DLG2: variants seen among roughly 807,000 people sequenced by gnomAD.
DLG2 encodes the protein discs large MAGUK scaffold protein 2.
In DLG2, 45 loss-of-function variants were observed where a neutral mutation model predicts 132.5. That is an observed-to-expected ratio of 0.34 (90% CI 0.27 to 0.44). DLG2 has a LOEUF of 0.44. Among genes scored for constraint, DLG2 ranks in the 20% least tolerant of loss-of-function variants. The pLI, the probability that DLG2 is intolerant of heterozygous loss-of-function variation, is 1.00. For synonymous variants in DLG2, 424 were observed against 419.6 expected, an observed-to-expected ratio of 1.01 and a Z score of -0.13; for missense variants, 1,045 against 1,196.9, an observed-to-expected ratio of 0.87 and a Z score of 1.87.
intron 3 of DLG2, among the ~76,000 whole-genome samples, chr11:85,514,407 G>C (rs2094135536): frequency 6.6e-6 from 1 of 151,892 alleles, no homozygotes; most frequent in Admixed American, 6.6e-5. Context: ...AGAAATTTTT[G>C]AATATGCTTT....
chr11:85,013,953 T>C (rs932778248), intron 6 of DLG2, among the ~76,000 whole-genome samples: 1 of 152,196 alleles, frequency 6.6e-6, no homozygotes, highest in African/African-American at 2.4e-5. Context: ...TAAGAATACA[T>C]AGTAAGTTTC....
chr11:83,865,101 CACG>C (rs2062073888), intron 16 of DLG2, among the ~76,000 whole-genome samples: 1 of 152,110 alleles, frequency 6.6e-6, no homozygotes, highest in African/African-American at 2.4e-5. Context: ...CCCCTCTGAC[CACG>C]ACTTTTGTCT....
chr11:84,600,986 G>A (rs1048265389), intron 6 of DLG2, among the ~76,000 whole-genome samples: 1 of 152,134 alleles, frequency 6.6e-6, no homozygotes, highest in Admixed American at 6.6e-5. Flanking sequence ...TTACAGTAGA[G>A]AATAATTATA....
intron 6 of DLG2, among the ~76,000 whole-genome samples, chr11:85,071,212 C>G (rs1384470172): frequency 1.3e-5 from 2 of 151,780 alleles, no homozygotes; most frequent in Non-Finnish European, 2.9e-5. Context: ...TTATAATACT[C>G]TTTCCAGACT....
chr11:83,876,935 G>A (rs910133733), intron 15 of DLG2, among the ~76,000 whole-genome samples: 5 of 152,126 alleles, frequency 3.3e-5, no homozygotes, highest in African/African-American at 1.2e-4. Context: ...ATTAACCACC[G>A]TTGATAGTTG....
intron 21 of DLG2, among the ~76,000 whole-genome samples, chr11:83,520,639 G>GTAGGTAGATAGATAGATAGA (rs1177747631): frequency 5.6e-4 from 83 of 148,068 alleles, no homozygotes; most frequent in Middle Eastern, 3.4e-3. Flanking sequence ...AGGTAGGTAG[G>GTAGGTAGATAGATAGATAGA]TAGATAGATA....
chr11:83,968,916 A>G (rs1409776656), intron 12 of DLG2, among the ~76,000 whole-genome samples: 1 of 152,222 alleles, frequency 6.6e-6, no homozygotes, highest in Non-Finnish European at 1.5e-5. Context: ...AATGTAGAGG[A>G]ACTTCAGGTA....
At chr11:83,560,181 G>A (rs2142765294) in intron 19 of DLG2, among the ~76,000 whole-genome samples, 1 of 152,042 alleles carries the variant, frequency 6.6e-6, no homozygotes, top group African/African-American at 2.4e-5. Flanking sequence ...GCAGTGGCAG[G>A]ATCTTGGCTC....
chr11:85,501,908 C>T (rs1193413892), intron 3 of DLG2, among the ~76,000 whole-genome samples: 3 of 152,168 alleles, frequency 2.0e-5, no homozygotes, highest in Non-Finnish European at 2.9e-5. Flanking sequence ...CCCATCAATC[C>T]GATTACCAGG....
intron 18 of DLG2, among the ~76,000 whole-genome samples, chr11:83,664,719 CTG>C (rs1373938373): frequency 6.6e-6 from 1 of 152,142 alleles, no homozygotes; most frequent in Non-Finnish European, 1.5e-5. Flanking sequence ...CTTAAAATGT[CTG>C]TGTGTCTAAC....
At chr11:85,202,818 A>G (rs188043392) in intron 4 of DLG2, among the ~76,000 whole-genome samples, 18 of 152,156 alleles carry the variant, frequency 1.2e-4, no homozygotes, top group African/African-American at 3.6e-4. Flanking sequence ...GAAAAAATCA[A>G]AATGAAAATT....
intron 6 of DLG2, chr11:84,955,568 A>G (rs2051543626): frequency 6.6e-6 from 1 of 152,208 alleles, no homozygotes; most frequent in South Asian, 2.1e-4. Context: ...ACACTCAGAG[A>G]ACTCTTATTA....
intron 7 of DLG2, among the ~76,000 whole-genome samples, chr11:84,502,557 G>A (rs892052837): frequency 2.0e-5 from 3 of 150,698 alleles, no homozygotes; most frequent in African/African-American, 7.3e-5. Flanking sequence ...CACCATACCT[G>A]GCTAATTTTT....
At chr11:84,379,806 A>C (rs2098742950) in intron 7 of DLG2, among the ~76,000 whole-genome samples, 1 of 152,020 alleles carries the variant, frequency 6.6e-6, no homozygotes, top group Non-Finnish European at 1.5e-5. Context: ...TTTGCTAAGA[A>C]TTTTCTATAA....
chr11:84,356,065 G>C (rs1160090174), intron 7 of DLG2, among the ~76,000 whole-genome samples: 2 of 152,088 alleles, frequency 1.3e-5, no homozygotes, highest in Admixed American at 1.3e-4. Flanking sequence ...AGAAAGAGAA[G>C]TTTCACAACA....
chr11:83,479,974 A>G (rs2092966411), intron 22 of DLG2, among the ~76,000 whole-genome samples: 1 of 152,122 alleles, frequency 6.6e-6, no homozygotes, highest in South Asian at 2.1e-4. Context: ...AAGAACAGAA[A>G]GGAAATGGCA....
intron 6 of DLG2, among the ~76,000 whole-genome samples, chr11:84,676,654 C>T (rs956985064): frequency 1.3e-5 from 2 of 152,016 alleles, no homozygotes; most frequent in African/African-American, 4.8e-5. Flanking sequence ...TGTGAAGCAA[C>T]GTGTACCTGA....
chr11:84,099,127 T>A, intron 9 of DLG2, 80 bp from the exon 10 acceptor site: 1 of 1,290,884 alleles, frequency 7.7e-7, no homozygotes, highest in Non-Finnish European at 1.1e-6. Context: ...CATTATCATG[T>A]TACTACTCAA....
intron 6 of DLG2, among the ~76,000 whole-genome samples, chr11:84,864,336 ACT>A (rs2084230054): frequency 6.6e-6 from 1 of 152,044 alleles, no homozygotes. Flanking sequence ...GAAAAAGTAA[ACT>A]CTGTCCTCAG....
Sources: allele counts gnomAD v4.1 joint callset (sites outside exome capture counted in the v4.1 genomes callset), GRCh38; gene constraint gnomAD v4.1.1; transcripts MANE v1.5; gene names NCBI Gene and HGNC (gene_info 2026-07-23, HGNC 2026-07-21).